YY1: variants seen among roughly 807,000 people sequenced by gnomAD.
YY1 encodes transcriptional repressor protein YY1.
Under a neutral mutation model 35.6 loss-of-function variants are expected in YY1, and 2 were observed. That is an observed-to-expected ratio of 0.06 (90% CI 0.02 to 0.18). The LOEUF is 0.18. Ranked by LOEUF, YY1 falls within the 10% of genes least tolerant of loss-of-function variation. YY1 has a pLI of 1.00. For synonymous variants in YY1, 268 were observed against 238.9 expected, an observed-to-expected ratio of 1.12 and a Z score of -1.12; for missense variants, 322 against 573.4, an observed-to-expected ratio of 0.56 and a Z score of 4.48.
Position 100,260,771 on chromosome 14 carries a change from C to CTTTTTTTTTTTTTTTTTTTTTTTTT in YY1, c.680-1518_680-1494dup, listed in dbSNP as rs71113254. 4.7e-5 allele frequency among the ~76,000 whole-genome samples: 2 copies of CTTTTTTTTTTTTTTTTTTTTTTTTT among 42,566 alleles called. 1 individual carries two copies. The highest frequency in any genetic ancestry group is 8.7e-5 in the Non-Finnish European group (2 of 22,954). 27.9% of individuals were successfully genotyped at this position (42,566 alleles called of 152,430 possible). On this transcript the variant is annotated intron_variant, in intron 1 of 4. Coordinates refer to ENST00000262238, the MANE Select transcript of YY1 (RefSeq NM_003403.5). ...CAGGTGTGAGCCACCGTGCCTGGTC[C>CTTTTTTTTTTTTTTTTTTTTTTTTT]TTTTTTTTTTTTTTTTTTTTTTTTT...
intron 1 of YY1, among the ~76,000 whole-genome samples, chr14:100,260,726 C>T (rs1452746309): frequency 6.7e-6 from 1 of 149,240 alleles, no homozygotes; most frequent in Non-Finnish European, 1.5e-5. Context: ...CTGCCTCGGC[C>T]TCCCAAAGTG....
intron 1 of YY1, among the ~76,000 whole-genome samples, chr14:100,247,437 A>G (rs1007156882): frequency 3.4e-5 from 5 of 148,924 alleles, no homozygotes; most frequent in Non-Finnish European, 7.4e-5. Flanking sequence ...TCGGGAGTAC[A>G]GTGGCACAAT....
intron 1 of YY1, among the ~76,000 whole-genome samples, chr14:100,254,877 A>G (rs1890980057): frequency 1.4e-5 from 2 of 144,788 alleles, no homozygotes; most frequent in South Asian, 2.2e-4. Context: ...GGTTCAAGCA[A>G]TTCTCCTGCC....
intron 1 of YY1, among the ~76,000 whole-genome samples, chr14:100,240,612 G>T (rs1233609440): frequency 6.6e-6 from 1 of 152,192 alleles, no homozygotes; most frequent in Non-Finnish European, 1.5e-5. Flanking sequence ...CCAAGTCGTC[G>T]TTTGCTGCGG....
At chr14:100,271,253 T>A (rs1027674847) in intron 2 of YY1, among the ~76,000 whole-genome samples, 3 of 151,984 alleles carry the variant, frequency 2.0e-5, no homozygotes, top group Non-Finnish European at 2.9e-5. Flanking sequence ...CCTCAAAAAA[T>A]AAATAAATTA....
chr14:100,266,764 A>T (rs1449816134), intron 2 of YY1, among the ~76,000 whole-genome samples: 1 of 152,202 alleles, frequency 6.6e-6, no homozygotes, highest in Non-Finnish European at 1.5e-5. Flanking sequence ...AGAGACAATA[A>T]AACAATGCTT....
Position 100,239,852 on chromosome 14 carries a change from A to G in YY1, c.608A>G (p.Lys203Arg), listed in dbSNP as rs1890700748. 2 of 1,514,086 alleles carry G rather than the reference A, an allele frequency of 1.3e-6. No homozygotes were observed. Among genetic ancestry groups the G allele is most frequent in the Admixed American group, 4.5e-5 (2 of 44,104 alleles). 93.8% of individuals were successfully genotyped at this position (1,514,086 alleles called of 1,614,324 possible). Residue 203 changes from lysine to arginine, a missense_variant, in exon 1 of 5, where the codon AAG becomes AGG. By Grantham distance (26) the Lys-to-Arg change is conservative. Coordinates refer to ENST00000262238, the MANE Select transcript of YY1 (RefSeq NM_003403.5). Reference sequence around the variant, plus strand: ...GGCGGCGGCGCCGACCCGGGCAACAAGAAGTGGGAGCAGAAGCAGGTGCAG... The same window carrying G: ...GGCGGCGGCGCCGACCCGGGCAACAGGAAGTGGGAGCAGAAGCAGGTGCAG... ...AGGGGADPGN[K>R]KWEQKQVQIK...
At chr14:100,248,710 C>T (rs1424183564) in intron 1 of YY1, among the ~76,000 whole-genome samples, 4 of 123,080 alleles carry the variant, frequency 3.2e-5, no homozygotes, top group Admixed American at 1.9e-4. Flanking sequence ...TTTATTGAAA[C>T]GGTGTCTCGC....
At chr14:100,262,162 C>G (rs1407982141) in intron 1 of YY1, 142 bp from the exon 2 acceptor site, 2 of 746,928 alleles carry the variant, frequency 2.7e-6, no homozygotes, top group African/African-American at 3.9e-5. Context: ...GACCGTTCTC[C>G]AAAAAAAAAA....
chr14:100,282,041 T>C lies in YY1; in HGVS notation c.*4441T>C, dbSNP rs987657233. The C allele has an allele frequency of 6.6e-6, 1 of 152,246 alleles. No individual in the cohort carries two copies. The highest frequency in any genetic ancestry group is 1.5e-5 in the Non-Finnish European group (1 of 68,086). 9.4% of individuals were successfully genotyped at this position (152,246 alleles called of 1,614,324 possible). A position where few individuals can be genotyped will look rare whatever the true frequency, so the allele number is the denominator to read the frequency against. ...CTTGTAAAATCTGGAATGGAGCGTT[T>C]AAGCTGAGCGTTAGCATCAGGTCAG... On this transcript the variant is annotated 3_prime_UTR_variant, in exon 5 of 5. Transcript: ENST00000262238.
intron 2 of YY1, among the ~76,000 whole-genome samples, chr14:100,274,264 T>G (rs1484502596): frequency 6.6e-6 from 1 of 152,234 alleles, no homozygotes; most frequent in Admixed American, 6.5e-5. Flanking sequence ...GTTCACCGCT[T>G]CTTTTTCATA....
rs528304923 is a variant in YY1, at chr14:100,281,376, T to C, written c.*3776T>C. On this transcript the variant is annotated 3_prime_UTR_variant, in exon 5 of 5. Coordinates refer to ENST00000262238, the MANE Select transcript of YY1 (RefSeq NM_003403.5). Reference sequence around the variant, plus strand: ...TGCCATGAGGCTTCCTCCCAGCTGCTCTGCTGGCTTGCTGAAGCCAGCTCT... The same window carrying C: ...TGCCATGAGGCTTCCTCCCAGCTGCCCTGCTGGCTTGCTGAAGCCAGCTCT... 1 of 152,348 alleles carries C rather than the reference T, an allele frequency of 6.6e-6. No homozygotes were observed. The highest frequency in any genetic ancestry group is 2.4e-5 in the African/African-American group (1 of 41,558). The allele number at this position is 152,348 out of a possible 1,614,324, so 9.4% of individuals were successfully genotyped here. A position where few individuals can be genotyped will look rare whatever the true frequency, so the allele number is the denominator to read the frequency against.
chr14:100,243,200 A>T (rs1039669779), intron 1 of YY1, among the ~76,000 whole-genome samples: 3 of 152,248 alleles, frequency 2.0e-5, no homozygotes, highest in Admixed American at 6.5e-5. Context: ...ATTCCATAAC[A>T]AGTGGAGAAA....
chr14:100,240,116 CG>C (rs1044409625), intron 1 of YY1, among the ~76,000 whole-genome samples, 193 bp downstream of exon 1: 2 of 143,500 alleles, frequency 1.4e-5, no homozygotes, highest in African/African-American at 2.5e-5. Flanking sequence ...CGGCAGGCCG[CG>C]GGGGGGAGGG....
At position 100,239,475 on chromosome 14, in the gene YY1, C is replaced by T. The variant is rs762854228; in HGVS notation, c.231C>T (p.His77=). The T allele has an allele frequency of 2.2e-5, 35 of 1,604,410 alleles. No individual in the cohort carries two copies. Among genetic ancestry groups the T allele is most frequent in the Non-Finnish European group, 2.6e-5 (31 of 1,177,108 alleles). Residue 77 remains histidine (H), a synonymous_variant, in exon 1 of 5, where the codon CAC becomes CAT. Transcript: ENST00000262238. ...HAGHHHHHHH[H]HHHPPMIALQ... is the part of the protein sequence containing the mutation. ...GCCACCACCACCACCACCATCACCA[C>T]CACCACCACCCGCCCATGATCGCTC...
At chr14:100,275,780 AT>A (rs1891309691) in intron 3 of YY1, 4 of 153,290 alleles carry the variant, frequency 2.6e-5, no homozygotes, top group Admixed American at 2.6e-4. Context: ...CTGTCTTATC[AT>A]TTCCCCATTC....
At chr14:100,244,092 A>G (rs1595312723) in intron 1 of YY1, among the ~76,000 whole-genome samples, 3 of 150,102 alleles carry the variant, frequency 2.0e-5, no homozygotes, top group African/African-American at 7.4e-5. Flanking sequence ...TGGGCGACAG[A>G]GCAAGACTCC....
intron 2 of YY1, among the ~76,000 whole-genome samples, chr14:100,264,536 T>A (rs996132461): frequency 1.3e-5 from 2 of 152,160 alleles, no homozygotes; most frequent in African/African-American, 4.8e-5. Flanking sequence ...GGGAAATGAC[T>A]GGAGTTGAGG....
Position 100,276,682 on chromosome 14 carries a change from T to C in YY1, c.1062+34T>C. 1.9e-6 allele frequency: 3 copies of C among 1,613,830 alleles called. No individual in the cohort carries two copies. Among genetic ancestry groups the C allele is most frequent in the Non-Finnish European group, 2.5e-6 (3 of 1,179,940 alleles). On this transcript the variant is annotated intron_variant, in intron 4 of 4. Transcript: ENST00000262238. This position sits in a 1 kb window ranked among gnomAD's most constrained non-coding sequence, Gnocchi z 4.1. ...AGTTCCCTCTCTTCCCCACACTGCC[T>C]TGCCTGTCTGAACACTGCAAGTGTA...
Sources: allele counts gnomAD v4.1 joint callset (sites outside exome capture counted in the v4.1 genomes callset), GRCh38; gene constraint gnomAD v4.1.1; non-coding constraint Gnocchi (gnomAD v3.1); transcripts MANE v1.5; gene names NCBI Gene and HGNC (gene_info 2026-07-23, HGNC 2026-07-21).